MACROD2: variants seen among roughly 807,000 people sequenced by gnomAD.
MACROD2 encodes ADP-ribose glycohydrolase MACROD2.
In MACROD2, 36 loss-of-function variants were observed where a neutral mutation model predicts 70.4. The observed-to-expected ratio is 0.51, with a 90% CI of 0.39 to 0.68. MACROD2 has a LOEUF of 0.68. Ranked by LOEUF, MACROD2 falls within the 30% of genes least tolerant of loss-of-function variation. The pLI, the probability that MACROD2 is intolerant of heterozygous loss-of-function variation, is 0.00. For synonymous variants in MACROD2, 172 were observed against 178.8 expected, an observed-to-expected ratio of 0.96 and a Z score of 0.30; for missense variants, 496 against 538.4, an observed-to-expected ratio of 0.92 and a Z score of 0.78.
Position 14,085,764 on chromosome 20 carries a change from G to A in MACROD2, c.271+36G>A, listed in dbSNP as rs2148669570. The A allele has an allele frequency of 2.4e-6, 3 of 1,232,364 alleles. No homozygotes were observed. In the East Asian group the frequency reaches 8.1e-5, roughly 33 times the overall value. The allele number at this position is 1,232,364 out of a possible 1,614,324, so 76.3% of individuals were successfully genotyped here. A position where few individuals can be genotyped will look rare whatever the true frequency, so the allele number is the denominator to read the frequency against. ...GATTTTCCTGTGATGTGTTTGTTAT[G>A]TAAGTATTATTTCAAAATTTTTAAA... is the stretch of plus-strand genomic sequence containing the variant. On this transcript the variant is annotated intron_variant, in intron 3 of 17. Coordinates refer to ENST00000684519, the MANE Select transcript of MACROD2 (RefSeq NM_001351661.2).
intron 3 of MACROD2, among the ~76,000 whole-genome samples, chr20:14,276,554 C>G (rs1198984804): frequency 6.6e-6 from 1 of 150,588 alleles, no homozygotes; most frequent in Admixed American, 6.6e-5. Context: ...GTGCAGCACA[C>G]CAGCATGGCA....
At chr20:14,005,633 T>G (rs1357395625) in intron 2 of MACROD2, among the ~76,000 whole-genome samples, 1 of 152,072 alleles carries the variant, frequency 6.6e-6, no homozygotes, top group Non-Finnish European at 1.5e-5. Flanking sequence ...GAGTCTCACT[T>G]ACTTTGTGCC....
intron 3 of MACROD2, among the ~76,000 whole-genome samples, chr20:14,333,312 A>G (rs959215184): frequency 4.6e-5 from 7 of 152,154 alleles, no homozygotes; most frequent in African/African-American, 1.7e-4. Flanking sequence ...TTTCTGACAA[A>G]TGAATCAAAT....
At chr20:14,753,029 C>T (rs566458850) in intron 5 of MACROD2, among the ~76,000 whole-genome samples, 1 of 152,148 alleles carries the variant, frequency 6.6e-6, no homozygotes, top group African/African-American at 2.4e-5. Context: ...TTGAGGGTTG[C>T]ACTCACTTGT....
At chr20:16,009,769 A>G (rs968028881) in intron 15 of MACROD2, among the ~76,000 whole-genome samples, 4 of 152,076 alleles carry the variant, frequency 2.6e-5, no homozygotes, top group African/African-American at 9.7e-5. Flanking sequence ...AAAAAAAAAA[A>G]TTATAAAAGC....
chr20:15,267,746 C>A (rs112792751), intron 6 of MACROD2, among the ~76,000 whole-genome samples: 2,873 of 152,206 alleles, frequency 0.019, 90 homozygotes, highest in African/African-American at 0.064. Context: ...GAACTTCCGA[C>A]TGACCTGAGC....
chr20:14,338,292 G>A (rs962675724), intron 3 of MACROD2, among the ~76,000 whole-genome samples: 3 of 152,066 alleles, frequency 2.0e-5, no homozygotes, highest in East Asian at 3.9e-4. Flanking sequence ...ACTTGAACCC[G>A]GGAGGCAGAG....
At chr20:15,803,101 A>T (rs1206156396) in intron 8 of MACROD2, among the ~76,000 whole-genome samples, 1 of 152,064 alleles carries the variant, frequency 6.6e-6, no homozygotes, top group Non-Finnish European at 1.5e-5. Flanking sequence ...ACTAGCACCA[A>T]TTTTTCTCAA....
rs1410007270 is a variant in MACROD2, at chr20:14,738,059, T to G, written c.418+53100T>G. ...ATATTTCAGAAATTTGCAAACTGTT[T>G]TGTTTTTCTCAACATATTCTATCAA... On this transcript the variant is annotated intron_variant, in intron 5 of 17. Transcript: ENST00000684519. 2.0e-5 allele frequency among the ~76,000 whole-genome samples: 3 copies of G among 148,878 alleles called. No homozygotes were observed. The East Asian group carries it at 6.1e-4, about 30-fold the overall frequency.
intron 11 of MACROD2, 45 bp downstream of exon 11, chr20:15,933,383 A>G (rs779978786): frequency 4.6e-6 from 7 of 1,527,358 alleles, no homozygotes; most frequent in Non-Finnish European, 5.4e-6. Context: ...CCTCATCTGC[A>G]GAGGTGAACA....
At chr20:14,757,851 G>C (rs558856370) in intron 5 of MACROD2, 2 of 1,516,302 alleles carry the variant, frequency 1.3e-6, no homozygotes, top group African/African-American at 1.4e-5. Flanking sequence ...TGCCGTAGCC[G>C]TCCAGGGACT....
At chr20:14,193,488 T>A (rs1285253706) in intron 3 of MACROD2, among the ~76,000 whole-genome samples, 9 of 152,092 alleles carry the variant, frequency 5.9e-5, no homozygotes, top group Non-Finnish European at 1.3e-4. Context: ...AGGGACTACT[T>A]ACAAAGGAAT....
At chr20:14,847,178 AT>A (rs1159887966) in intron 5 of MACROD2, among the ~76,000 whole-genome samples, 2 of 152,180 alleles carry the variant, frequency 1.3e-5, no homozygotes, top group African/African-American at 4.8e-5. Flanking sequence ...TTAAAAGTTA[AT>A]TCTCATATTC....
intron 10 of MACROD2, among the ~76,000 whole-genome samples, chr20:15,924,079 G>T (rs78244069): frequency 0.014 from 2,057 of 152,238 alleles, 46 homozygotes; most frequent in African/African-American, 0.046. Flanking sequence ...AAAATCATGG[G>T]AAACCCATAT....
intron 8 of MACROD2, among the ~76,000 whole-genome samples, chr20:15,791,813 T>C (rs1015000653): frequency 6.6e-6 from 1 of 152,046 alleles, no homozygotes; most frequent in African/African-American, 2.4e-5. Context: ...GTATTCTTTA[T>C]AGGAAACCAC....
chr20:15,071,993 G>T (rs774888726), intron 5 of MACROD2, among the ~76,000 whole-genome samples: 1 of 151,946 alleles, frequency 6.6e-6, no homozygotes, highest in African/African-American at 2.4e-5. Flanking sequence ...AATGTGTTTT[G>T]TAACTCAGAA....
At chr20:15,198,805 A>G (rs948853012) in intron 5 of MACROD2, among the ~76,000 whole-genome samples, 3 of 152,176 alleles carry the variant, frequency 2.0e-5, no homozygotes, top group Non-Finnish European at 4.4e-5. Context: ...GAGTGTAGCA[A>G]TCTGCTGGGA....
At chr20:14,965,731 G>C (rs1189022989) in intron 5 of MACROD2, among the ~76,000 whole-genome samples, 1 of 151,698 alleles carries the variant, frequency 6.6e-6, no homozygotes, top group East Asian at 1.9e-4. Flanking sequence ...GCCTTCCAAA[G>C]TGCTGGGATT....
chr20:15,446,602 A>G (rs367822355), intron 7 of MACROD2, among the ~76,000 whole-genome samples: 1 of 152,292 alleles, frequency 6.6e-6, no homozygotes, highest in African/African-American at 2.4e-5. Context: ...CAGGCATTCA[A>G]CCAAACTTGC....
Sources: allele counts gnomAD v4.1 joint callset (sites outside exome capture counted in the v4.1 genomes callset), GRCh38; gene constraint gnomAD v4.1.1; transcripts MANE v1.5; gene names NCBI Gene and HGNC (gene_info 2026-07-23, HGNC 2026-07-21).